Variants in NT5C3A observed in about 807,000 individuals in gnomAD.
NT5C3A encodes cytosolic 5'-nucleotidase 3A.
Under a neutral mutation model 40.0 loss-of-function variants are expected in NT5C3A, and 23 were observed. That is an observed-to-expected ratio of 0.58 (90% CI 0.41 to 0.81). The LOEUF is 0.81. NT5C3A is among the 40% of genes least tolerant of loss of function. The probability of loss-of-function intolerance (pLI) is 0.00; values close to 1 mark genes in which losing one functional copy is unlikely to be tolerated. For synonymous variants in NT5C3A, 130 were observed against 141.4 expected, an observed-to-expected ratio of 0.92 and a Z score of 0.57; for missense variants, 328 against 403.0, an observed-to-expected ratio of 0.81 and a Z score of 1.59.
intron 1 of NT5C3A, among the ~76,000 whole-genome samples, chr7:33,054,343 G>T (rs1461924053): frequency 7.7e-6 from 1 of 130,268 alleles, no homozygotes; most frequent in Non-Finnish European, 1.6e-5. Context: ...GGCAGAGTAA[G>T]ACCCTGCCTC....
At chr7:33,045,403 G>A (rs1211959715) in intron 1 of NT5C3A, among the ~76,000 whole-genome samples, 1 of 151,808 alleles carries the variant, frequency 6.6e-6, no homozygotes, top group African/African-American at 2.4e-5. Context: ...ATAAGGAGCA[G>A]AAAACAGAGA....
chr7:33,043,661 TGTCCTGCTAGTCTGATTCTAAG>T (rs1411726801), intron 1 of NT5C3A, among the ~76,000 whole-genome samples: 1 of 152,186 alleles, frequency 6.6e-6, no homozygotes, highest in Non-Finnish European at 1.5e-5. Context: ...TGTGTGTGCC[TGTCCTGCTAGTCTGATTCTAAG>T]GAGAACAGAG....
Position 33,014,698 on chromosome 7 carries a change from A to G in NT5C3A, c.*32T>C, listed in dbSNP as rs1390902586. On this transcript the variant is annotated 3_prime_UTR_variant, in exon 9 of 9. Transcript: ENST00000610140. ...ACGGATGAACAGTTCAATTGCACCC[A>G]CAGGAGAGAGGTCTTCTTGGAGAAT... The G allele has an allele frequency of 1.9e-6, 3 of 1,609,042 alleles. No individual in the cohort carries two copies. The highest frequency in any genetic ancestry group is 2.5e-6 in the Non-Finnish European group (3 of 1,177,942).
chr7:33,043,324 G>A (rs1456188498), intron 1 of NT5C3A, among the ~76,000 whole-genome samples: 1 of 152,162 alleles, frequency 6.6e-6, no homozygotes, highest in Non-Finnish European at 1.5e-5. Context: ...GAATACATAA[G>A]ACAGTATTTG....
At chr7:33,026,139 C>A (rs1224249144) in intron 2 of NT5C3A, among the ~76,000 whole-genome samples, 1 of 151,846 alleles carries the variant, frequency 6.6e-6, no homozygotes, top group African/African-American at 2.4e-5. Flanking sequence ...GAGCTGAGAT[C>A]GTGCCACTGC....
chr7:33,053,908 T>C (rs1054896154), intron 1 of NT5C3A, among the ~76,000 whole-genome samples: 1 of 152,116 alleles, frequency 6.6e-6, no homozygotes, highest in East Asian at 1.9e-4. Flanking sequence ...TGCATTAAAG[T>C]TGAAAATGTG....
At chr7:33,035,687 C>T (rs772557024) in intron 1 of NT5C3A, among the ~76,000 whole-genome samples, 4 of 152,038 alleles carry the variant, frequency 2.6e-5, no homozygotes, top group South Asian at 2.1e-4. Flanking sequence ...GAAAATTTAG[C>T]GTAAAAAGGA....
intron 7 of NT5C3A, among the ~76,000 whole-genome samples, chr7:33,016,949 A>G (rs760775103): frequency 7.9e-5 from 12 of 151,950 alleles, no homozygotes; most frequent in Non-Finnish European, 1.8e-4. Flanking sequence ...TTGGGAGGCC[A>G]AGGTGGGAGG....
At chr7:33,021,760 C>A in intron 4 of NT5C3A, 1 of 438,228 alleles carries the variant, frequency 2.3e-6, no homozygotes, top group Non-Finnish European at 4.1e-6. Flanking sequence ...AACTGAAGTA[C>A]TTTTGTTTTA....
intron 1 of NT5C3A, among the ~76,000 whole-genome samples, chr7:33,050,342 T>C (rs1045721955): frequency 2.6e-5 from 4 of 152,358 alleles, no homozygotes; most frequent in African/African-American, 7.2e-5. Flanking sequence ...AAGCCGACTA[T>C]AGTAAGTTTC....
At chr7:33,024,428 T>A (rs942415980) in intron 2 of NT5C3A, among the ~76,000 whole-genome samples, 1 of 151,988 alleles carries the variant, frequency 6.6e-6, no homozygotes, top group Middle Eastern at 3.4e-3. Flanking sequence ...TGGAGGTCAT[T>A]ATCTTAAGTG....
chr7:33,020,392 T>C (rs1050084577), intron 5 of NT5C3A, among the ~76,000 whole-genome samples: 1 of 152,216 alleles, frequency 6.6e-6, no homozygotes. Flanking sequence ...GCTTCTAACA[T>C]GTCAGTAAGC....
intron 1 of NT5C3A, among the ~76,000 whole-genome samples, chr7:33,061,226 C>T (rs1787763024): frequency 6.6e-6 from 1 of 152,180 alleles, no homozygotes; most frequent in Non-Finnish European, 1.5e-5. Flanking sequence ...AGCAGGAAAG[C>T]AACAAAAGCA....
chr7:33,026,353 G>GAAAAAA (rs1226260693), intron 2 of NT5C3A, among the ~76,000 whole-genome samples: 40,077 of 93,828 alleles, frequency 0.43, 9,864 homozygotes, highest in Non-Finnish European at 0.45. Flanking sequence ...CATCTCAAAA[G>GAAAAAA]AAAAAAAAAA....
At chr7:33,035,079 G>C (rs2049758) in intron 1 of NT5C3A, among the ~76,000 whole-genome samples, 3 of 152,120 alleles carry the variant, frequency 2.0e-5, no homozygotes, top group East Asian at 3.9e-4. Flanking sequence ...CTAGGAACTT[G>C]ACGTTTTCAC....
intron 1 of NT5C3A, among the ~76,000 whole-genome samples, chr7:33,055,124 A>C (rs948473900): frequency 6.6e-6 from 1 of 152,202 alleles, no homozygotes; most frequent in African/African-American, 2.4e-5. Context: ...CAGGAGTTCA[A>C]GACCAGCCTG....
chr7:33,039,566 T>TTTTTG lies in NT5C3A; in HGVS notation c.139-12652_139-12651insCAAAA, dbSNP rs1554292236. On this transcript the variant is annotated intron_variant, in intron 1 of 8. Coordinates refer to ENST00000610140, the MANE Select transcript of NT5C3A (RefSeq NM_001002010.5). Reference sequence around the variant, plus strand: ...TTTCTTAAGCTTGGGTTTTTTGTTTTTTTTTTTTTTTAATGTTACTGTCTT... The same window carrying TTTTTG: ...TTTCTTAAGCTTGGGTTTTTTGTTTTTTTTGTTTTTTTTTTTAATGTTACTGTCTT... Among the ~76,000 whole-genome samples the TTTTTG allele has an allele frequency of 1.5e-3, 222 of 144,688 alleles. 3 individuals are homozygous for TTTTTG. Among genetic ancestry groups the TTTTTG allele is most frequent in the African/African-American group, 5.4e-3 (211 of 39,136 alleles). 94.9% of individuals were successfully genotyped at this position (144,688 alleles called of 152,430 possible).
Position 33,056,473 on chromosome 7 carries a change from C to CAA in NT5C3A, c.138+6093_138+6094dup, listed in dbSNP as rs70989927. On this transcript the variant is annotated intron_variant, in intron 1 of 8. Transcript: ENST00000610140. ...GCAAATAGTGAGACCCCGTCTCTAC[C>CAA]AAAAAAAAAAAAAAAAAAAAAAAAA... is the stretch of plus-strand genomic sequence containing the variant. 3.8e-3 allele frequency among the ~76,000 whole-genome samples: 166 copies of CAA among 43,718 alleles called. 16 individuals are homozygous for CAA. The highest frequency in any genetic ancestry group is 0.013 in the East Asian group (13 of 968). The allele number at this position is 43,718 out of a possible 152,430, so 28.7% of individuals were successfully genotyped here.
intron 1 of NT5C3A, among the ~76,000 whole-genome samples, chr7:33,042,145 T>C (rs7810269): frequency 2.7e-3 from 418 of 152,248 alleles, no homozygotes; most frequent in African/African-American, 9.4e-3. Flanking sequence ...GAGACCAACC[T>C]GGCTAACATG....
Sources: gnomAD v4.1 joint callset for allele counts (sites outside exome capture counted in the v4.1 genomes callset) on GRCh38, gnomAD v4.1.1 for gene constraint, MANE v1.5 for transcripts, NCBI Gene and HGNC (gene_info 2026-07-23, HGNC 2026-07-21) for gene names.